EFR3B: variants seen among roughly 807,000 people sequenced by gnomAD.
The protein encoded by EFR3B is EFR3 homolog B.
In EFR3B, 64 loss-of-function variants were observed where a neutral mutation model predicts 104.7. The observed-to-expected ratio is 0.61, with a 90% CI of 0.50 to 0.75. EFR3B has a LOEUF of 0.75. Ranked by LOEUF, EFR3B falls within the 30% of genes least tolerant of loss-of-function variation. The probability of loss-of-function intolerance (pLI) is 0.00; values close to 1 mark genes in which losing one functional copy is unlikely to be tolerated. For synonymous variants in EFR3B, 385 were observed against 417.9 expected (o/e 0.92, Z 0.96); for missense variants, 750 against 1,078.5 (o/e 0.70, Z 4.27).
rs1667588370 is a variant in EFR3B at position 25,042,130 on chromosome 2, G to A, written c.-183G>A. Reference sequence around the variant, plus strand: ...GCCGCTGCAGCCCGGCGCTGAATGGGCTGGCGGCGCCCGGCTCCGTCCTGC... The same window carrying A: ...GCCGCTGCAGCCCGGCGCTGAATGGACTGGCGGCGCCCGGCTCCGTCCTGC... On this transcript the variant is annotated 5_prime_UTR_variant, in exon 1 of 23. Coordinates refer to ENST00000403714, the MANE Select transcript of EFR3B (RefSeq NM_014971.2). This position sits in a 1 kb window ranked among gnomAD's most constrained non-coding sequence, Gnocchi z 5.4. 4.5e-6 allele frequency: 2 copies of A among 445,686 alleles called. No individual in the cohort carries two copies. The highest frequency in any genetic ancestry group is 2.3e-4 in the South Asian group (2 of 8,746). The allele number at this position is 445,686 out of a possible 1,614,324, so 27.6% of individuals were successfully genotyped here. A position where few individuals can be genotyped will look rare whatever the true frequency, so the allele number is the denominator to read the frequency against.
chr2:25,129,570 CCTTT>C (rs1470562814), intron 6 of EFR3B, among the ~76,000 whole-genome samples: 1 of 152,066 alleles, frequency 6.6e-6, no homozygotes, highest in Non-Finnish European at 1.5e-5. Flanking sequence ...TCTTTCCTCT[CCTTT>C]CTTCCACTTC....
intron 1 of EFR3B, among the ~76,000 whole-genome samples, chr2:25,060,538 T>C (rs1343622451): frequency 6.6e-6 from 1 of 152,054 alleles, no homozygotes; most frequent in Non-Finnish European, 1.5e-5. Flanking sequence ...GCTGGAGGGA[T>C]GATTATCAAA....
chr2:25,150,911 A>G (rs1461218201), intron 20 of EFR3B, among the ~76,000 whole-genome samples: 1 of 151,766 alleles, frequency 6.6e-6, no homozygotes, highest in Admixed American at 6.6e-5. Context: ...GCACCTGGCT[A>G]TTTCTTGCCT....
rs1053585396 is a variant in EFR3B, at chr2:25,137,655, C to A, written c.1722+153C>A. On this transcript the variant is annotated intron_variant, in intron 15 of 22. Coordinates refer to ENST00000403714, the MANE Select transcript of EFR3B (RefSeq NM_014971.2). The surrounding 1 kb of genome is among the most constrained non-coding windows in gnomAD (Gnocchi z 4.7). ...GTGGTTGGCCACGCCTCCCTGAAGA[C>A]CCCAAACCATGGTCCTGTTTGGGGA... Among the ~76,000 whole-genome samples the A allele has an allele frequency of 6.6e-6, 1 of 152,208 alleles. No homozygotes were observed. Among genetic ancestry groups the A allele is most frequent in the Non-Finnish European group, 1.5e-5 (1 of 68,034 alleles).
At chr2:25,094,594 A>G (rs985013579) in intron 3 of EFR3B, among the ~76,000 whole-genome samples, 1 of 152,222 alleles carries the variant, frequency 6.6e-6, no homozygotes, top group Non-Finnish European at 1.5e-5. Context: ...TATAATTTCC[A>G]GTATTAACCA....
intron 4 of EFR3B, among the ~76,000 whole-genome samples, chr2:25,105,284 C>T (rs1669532823): frequency 6.6e-6 from 1 of 152,134 alleles, no homozygotes; most frequent in African/African-American, 2.4e-5. Context: ...TCCCAAGTAG[C>T]TGGGATTATA....
chr2:25,085,444 A>G (rs1668922871), intron 1 of EFR3B, among the ~76,000 whole-genome samples: 1 of 152,158 alleles, frequency 6.6e-6, no homozygotes, highest in Non-Finnish European at 1.5e-5. Context: ...AAAGCATAAT[A>G]AAAATATTCA....
intron 20 of EFR3B, among the ~76,000 whole-genome samples, chr2:25,151,399 G>A (rs1002409430): frequency 2.0e-5 from 3 of 152,084 alleles, no homozygotes; most frequent in African/African-American, 7.2e-5. Context: ...GAGACTACAG[G>A]CATATGCCAC....
intron 1 of EFR3B, among the ~76,000 whole-genome samples, chr2:25,056,045 C>T (rs1668011724): frequency 6.6e-6 from 1 of 152,326 alleles, no homozygotes; most frequent in African/African-American, 2.4e-5. Flanking sequence ...ATCATCCATT[C>T]ATCTATACCT....
At chr2:25,143,630 A>C in intron 17 of EFR3B, 105 bp from the exon 18 acceptor site, 4 of 1,403,588 alleles carry the variant, frequency 2.8e-6, no homozygotes, top group Non-Finnish European at 3.8e-6. Context: ...ACCACACTCC[A>C]GCCTGGGCGA....
chr2:25,050,228 G>A (rs917283993), intron 1 of EFR3B, among the ~76,000 whole-genome samples: 2 of 152,200 alleles, frequency 1.3e-5, no homozygotes, highest in African/African-American at 2.4e-5. Context: ...AACTGTCAAA[G>A]GACTGATTTG....
intron 4 of EFR3B, among the ~76,000 whole-genome samples, chr2:25,109,204 G>T (rs1420206542): frequency 6.7e-6 from 1 of 148,824 alleles, no homozygotes; most frequent in Non-Finnish European, 1.5e-5. Context: ...AACGGGCAAA[G>T]AACTCTCATA....
At chr2:25,120,569 G>A (rs1040875407) in intron 4 of EFR3B, among the ~76,000 whole-genome samples, 4 of 152,112 alleles carry the variant, frequency 2.6e-5, no homozygotes, top group Admixed American at 6.5e-5. Context: ...ACTTGAACCC[G>A]GGAGGTGGAG....
intron 1 of EFR3B, among the ~76,000 whole-genome samples, chr2:25,058,795 A>C (rs1668098767): frequency 7.1e-6 from 1 of 141,272 alleles, no homozygotes. Context: ...AACAATAACC[A>C]AGTGTTGGTG....
At chr2:25,120,690 A>C (rs2149200100) in intron 4 of EFR3B, among the ~76,000 whole-genome samples, 1 of 152,286 alleles carries the variant, frequency 6.6e-6, no homozygotes, top group African/African-American at 2.4e-5. Context: ...TAAGAATCAT[A>C]TTAAATATTT....
rs1671197894 is a variant in EFR3B, at chr2:25,157,199, A to G, written c.*2859A>G. The G allele has an allele frequency of 6.6e-6, 1 of 152,192 alleles. No homozygotes were observed. The highest frequency in any genetic ancestry group is 2.1e-4 in the South Asian group (1 of 4,834). The allele number at this position is 152,192 out of a possible 1,614,324, so 9.4% of individuals were successfully genotyped here. A position where few individuals can be genotyped will look rare whatever the true frequency, so the allele number is the denominator to read the frequency against. ...TAGCAAAAATGTGCTTCTTTTGAAG[A>G]ACTGGTCATTTTTTTTGAGTGCCCT... On this transcript the variant is annotated 3_prime_UTR_variant, in exon 23 of 23. Coordinates refer to ENST00000403714, the MANE Select transcript of EFR3B (RefSeq NM_014971.2).
intron 4 of EFR3B, among the ~76,000 whole-genome samples, chr2:25,108,442 T>C (rs528749802): frequency 2.1e-4 from 32 of 152,316 alleles, no homozygotes; most frequent in Admixed American, 1.9e-3. Flanking sequence ...ATCTAATATA[T>C]TAGCCTAGTG....
intron 1 of EFR3B, among the ~76,000 whole-genome samples, chr2:25,081,979 C>T (rs1019409137): frequency 6.6e-6 from 1 of 152,152 alleles, no homozygotes; most frequent in Non-Finnish European, 1.5e-5. Flanking sequence ...ATCAAGGGGA[C>T]AGCTCAGTCA....
rs1371251036 is a variant in EFR3B at position 25,093,197 on chromosome 2, C to A, written c.212+67C>A. 3 of 1,514,918 alleles carry A rather than the reference C, an allele frequency of 2.0e-6. No individual in the cohort carries two copies. In the Admixed American group the frequency reaches 6.3e-5, roughly 32 times the overall value. The allele number at this position is 1,514,918 out of a possible 1,614,324, so 93.8% of individuals were successfully genotyped here. Reference sequence around the variant, plus strand: ...ATATTGTTAGGCTAAACATAGGGTCCTTTTAAGAAAATGATGGCCAGGCAG... The same window carrying A: ...ATATTGTTAGGCTAAACATAGGGTCATTTTAAGAAAATGATGGCCAGGCAG... On this transcript the variant is annotated intron_variant, in intron 3 of 22. Transcript: ENST00000403714.
Sources: allele counts gnomAD v4.1 joint callset (sites outside exome capture counted in the v4.1 genomes callset), GRCh38; gene constraint gnomAD v4.1.1; non-coding constraint Gnocchi (gnomAD v3.1); transcripts MANE v1.5; gene names NCBI Gene and HGNC (gene_info 2026-07-23, HGNC 2026-07-21).